TMEM132D: variants seen among roughly 807,000 people sequenced by gnomAD.
The protein encoded by TMEM132D is transmembrane protein 132D.
In TMEM132D, 21 loss-of-function variants were observed where a neutral mutation model predicts 62.3. The ratio of observed to expected loss-of-function variants is 0.34; its 90% CI spans 0.24 to 0.49. The LOEUF is 0.49. TMEM132D is among the 20% of genes least tolerant of loss of function. The pLI is 0.99. For missense variants in TMEM132D, 1,346 were observed against 1,402.8 expected, an observed-to-expected ratio of 0.96 and a Z score of 0.65; for synonymous variants, 621 against 575.6, an observed-to-expected ratio of 1.08 and a Z score of -1.13.
chr12:129,381,988 C>A (rs73422484), intron 3 of TMEM132D, among the ~76,000 whole-genome samples: 3,084 of 152,282 alleles, frequency 0.02, 112 homozygotes, highest in African/African-American at 0.071. Flanking sequence ...TTTCACTGAA[C>A]ATGAGCTATT....
intron 1 of TMEM132D, among the ~76,000 whole-genome samples, chr12:129,862,103 T>C (rs1873918537): frequency 6.6e-6 from 1 of 152,224 alleles, no homozygotes; most frequent in South Asian, 2.1e-4. Flanking sequence ...ATGATAAAGC[T>C]GCTGTCTCCT....
intron 5 of TMEM132D, chr12:129,111,701 C>T (rs1252221269): frequency 1.3e-5 from 2 of 152,200 alleles, no homozygotes; most frequent in Non-Finnish European, 2.9e-5. Context: ...AAACCTTCCT[C>T]CCTCTCAGTC....
intron 2 of TMEM132D, among the ~76,000 whole-genome samples, chr12:129,557,794 T>G (rs1284244179): frequency 6.6e-6 from 1 of 152,154 alleles, no homozygotes. Context: ...GTAAATCTGA[T>G]TGTGACAATG....
intron 1 of TMEM132D, among the ~76,000 whole-genome samples, chr12:129,730,396 C>A (rs968761992): frequency 7.9e-5 from 12 of 152,158 alleles, no homozygotes; most frequent in African/African-American, 2.7e-4. Flanking sequence ...GGTATGCTCC[C>A]TGAGGGTGGA....
intron 1 of TMEM132D, among the ~76,000 whole-genome samples, chr12:129,719,083 GAAAAAAA>G (rs59987335): frequency 1.0e-5 from 1 of 99,168 alleles, no homozygotes; most frequent in South Asian, 3.5e-4. Context: ...CAAAAAAAAT[GAAAAAAA>G]AAAAAAAAAG....
intron 1 of TMEM132D, among the ~76,000 whole-genome samples, chr12:129,817,731 T>C (rs546668042): frequency 2.7e-4 from 37 of 136,260 alleles, no homozygotes; most frequent in African/African-American, 1.0e-3. Context: ...GTGTGTGTGG[T>C]GTAAGGTGTG....
In TMEM132D at chr12:129,688,085, G is replaced by C. The variant is rs544339541; in HGVS notation, c.968+11725C>G. ...AAAGGAGCCACAGCAATCAACTGAG[G>C]GAGAGGGCCTTGAGCTGGAGCCACT... On this transcript the variant is annotated intron_variant, in intron 2 of 8. Coordinates refer to ENST00000422113, the MANE Select transcript of TMEM132D (RefSeq NM_133448.3). 2.0e-5 allele frequency among the ~76,000 whole-genome samples: 3 copies of C among 152,254 alleles called. No individual in the cohort carries two copies. The East Asian group carries it at 5.8e-4, about 30-fold the overall frequency.
intron 2 of TMEM132D, among the ~76,000 whole-genome samples, chr12:129,633,605 T>A (rs895276133): frequency 6.6e-6 from 1 of 152,202 alleles, no homozygotes; most frequent in African/African-American, 2.4e-5. Flanking sequence ...ATTCATTTTG[T>A]CAGCTCTTTG....
At chr12:129,492,252 T>A (rs1432726389) in intron 3 of TMEM132D, among the ~76,000 whole-genome samples, 1 of 152,230 alleles carries the variant, frequency 6.6e-6, no homozygotes, top group Non-Finnish European at 1.5e-5. Flanking sequence ...ACTTGGAAAC[T>A]GACTGACTAG....
chr12:129,402,190 CAGAG>C (rs1264632482), intron 3 of TMEM132D, among the ~76,000 whole-genome samples: 16 of 152,236 alleles, frequency 1.1e-4, no homozygotes, highest in African/African-American at 3.9e-4. Context: ...TAGAGAATGG[CAGAG>C]AGAAAGACGG....
At chr12:129,822,148 A>G (rs1485420934) in intron 1 of TMEM132D, among the ~76,000 whole-genome samples, 1 of 152,078 alleles carries the variant, frequency 6.6e-6, no homozygotes, top group Non-Finnish European at 1.5e-5. Flanking sequence ...ACAGGAGTGG[A>G]AGAGTCAGCC....
At chr12:129,798,072 C>G (rs943624092) in intron 1 of TMEM132D, among the ~76,000 whole-genome samples, 3 of 152,162 alleles carry the variant, frequency 2.0e-5, no homozygotes, top group African/African-American at 4.8e-5. Flanking sequence ...TCCTCTCTCT[C>G]TCGATTGCAC....
rs115834184 is a variant in TMEM132D at position 129,597,173 on chromosome 12, G to A, written c.969-65968C>T. On this transcript the variant is annotated intron_variant, in intron 2 of 8. Transcript: ENST00000422113. ...TGTTTCCAAATATTTTCTATCCACA[G>A]TTGGTTGGATCCACAGACACAGAAC... Among the ~76,000 whole-genome samples the A allele has an allele frequency of 2.6e-3, 396 of 152,216 alleles. 3 individuals are homozygous for A. The highest frequency in any genetic ancestry group is 9.2e-3 in the African/African-American group (382 of 41,530).
chr12:129,573,040 C>T (rs61943481), intron 2 of TMEM132D, among the ~76,000 whole-genome samples: 2 of 152,074 alleles, frequency 1.3e-5, no homozygotes, highest in Admixed American at 6.5e-5. Flanking sequence ...TACTCATATG[C>T]TATACAAATA....
At chr12:129,481,176 A>AAAAAAAAAG (rs975023256) in intron 3 of TMEM132D, among the ~76,000 whole-genome samples, 3 of 151,332 alleles carry the variant, frequency 2.0e-5, no homozygotes, top group African/African-American at 4.8e-5. Context: ...TTTAACATAC[A>AAAAAAAAAG]AAAAAAAAGA....
chr12:129,628,121 C>T (rs1203502200), intron 2 of TMEM132D, among the ~76,000 whole-genome samples: 1 of 152,038 alleles, frequency 6.6e-6, no homozygotes, highest in African/African-American at 2.4e-5. Flanking sequence ...CACTAGAAAT[C>T]ATTTGGTAAA....
intron 2 of TMEM132D, among the ~76,000 whole-genome samples, chr12:129,585,199 A>G (rs1483007375): frequency 6.6e-6 from 1 of 152,226 alleles, no homozygotes; most frequent in Admixed American, 6.5e-5. Flanking sequence ...AAATCATCAG[A>G]ATGGTAGAAC....
chr12:129,698,163 T>C (rs1565952752), intron 2 of TMEM132D: 1 of 151,962 alleles, frequency 6.6e-6, no homozygotes, highest in Non-Finnish European at 1.5e-5. Flanking sequence ...CCCAGAAAAG[T>C]AAAACACAAA....
rs552922488 is a variant in TMEM132D, at chr12:129,273,894, C to T, written c.1299+63740G>A. On this transcript the variant is annotated intron_variant, in intron 4 of 8. Transcript: ENST00000422113. ...CATATAACACACCTGCACATGTACC[C>T]GCTGAACTTAAAACAAAAGTTGAAA... 2.9e-4 allele frequency among the ~76,000 whole-genome samples: 44 copies of T among 151,014 alleles called. No individual in the cohort carries two copies. The South Asian group carries it at 3.6e-3, about 12-fold the overall frequency.
Sources: allele counts gnomAD v4.1 joint callset (sites outside exome capture counted in the v4.1 genomes callset), GRCh38; gene constraint gnomAD v4.1.1; transcripts MANE v1.5; gene names NCBI Gene and HGNC (gene_info 2026-07-23, HGNC 2026-07-21).